Variants in GPC5 observed in about 807,000 individuals in gnomAD.
GPC5 encodes glypican-5.
Under a neutral mutation model 53.9 loss-of-function variants are expected in GPC5, and 47 were observed. The ratio of observed to expected loss-of-function variants is 0.87; its 90% CI spans 0.69 to 1.11. The LOEUF is 1.11. Ranked by LOEUF, GPC5 falls within the 50% of genes most tolerant of loss-of-function variation. GPC5 has a pLI of 0.00. For missense variants in GPC5, 748 were observed against 713.1 expected (o/e 1.05, Z -0.56); for synonymous variants, 286 against 263.3 (o/e 1.09, Z -0.84).
At chr13:92,179,954 G>A (rs2042134819) in intron 7 of GPC5, among the ~76,000 whole-genome samples, 4 of 152,140 alleles carry the variant, frequency 2.6e-5, no homozygotes, top group Admixed American at 2.6e-4. Flanking sequence ...GATTTACTAC[G>A]GTTTTTACTG....
At chr13:91,708,713 A>G (rs1391112620) in intron 3 of GPC5, among the ~76,000 whole-genome samples, 1 of 152,230 alleles carries the variant, frequency 6.6e-6, no homozygotes, top group Non-Finnish European at 1.5e-5. Context: ...GTTATAAAAA[A>G]ATTACAATGT....
intron 2 of GPC5, among the ~76,000 whole-genome samples, chr13:91,660,761 C>T (rs190828834): frequency 2.6e-5 from 4 of 152,306 alleles, no homozygotes; most frequent in Non-Finnish European, 5.9e-5. Flanking sequence ...GGGACCATTT[C>T]TATCTCAGAA....
intron 7 of GPC5, among the ~76,000 whole-genome samples, chr13:92,518,043 T>G (rs1017011746): frequency 2.0e-5 from 3 of 152,204 alleles, no homozygotes; most frequent in African/African-American, 7.2e-5. Flanking sequence ...CAAGCTTCAG[T>G]AGTTGATTTG....
intron 7 of GPC5, among the ~76,000 whole-genome samples, chr13:92,728,235 C>G (rs747900550): frequency 1.3e-5 from 2 of 151,436 alleles, no homozygotes; most frequent in Non-Finnish European, 3.0e-5. Context: ...CTACATGCCT[C>G]TAGGAAAGAT....
chr13:91,484,259 T>A (rs866555142), intron 2 of GPC5, among the ~76,000 whole-genome samples: 17 of 152,318 alleles, frequency 1.1e-4, no homozygotes, highest in African/African-American at 3.6e-4. Flanking sequence ...CAAAGCACCC[T>A]GAAAGGGTTC....
chr13:92,861,577 A>G (rs1566449515), intron 7 of GPC5, among the ~76,000 whole-genome samples: 1 of 152,126 alleles, frequency 6.6e-6, no homozygotes, highest in Non-Finnish European at 1.5e-5. Context: ...TAGTTTTCAC[A>G]TGGATTGTAA....
At chr13:92,166,995 C>T (rs796468632) in intron 7 of GPC5, among the ~76,000 whole-genome samples, 1,880 of 143,412 alleles carry the variant, frequency 0.013, 31 homozygotes, top group African/African-American at 0.05. Flanking sequence ...CACACACACA[C>T]ATATACACAC....
chr13:92,666,280 A>C (rs1886561776), intron 7 of GPC5, among the ~76,000 whole-genome samples: 2 of 152,116 alleles, frequency 1.3e-5, no homozygotes, highest in Non-Finnish European at 2.9e-5. Flanking sequence ...TCAAATTGTC[A>C]GTGATTTTTA....
chr13:92,741,956 T>C (rs1164951991), intron 7 of GPC5, among the ~76,000 whole-genome samples: 1 of 152,180 alleles, frequency 6.6e-6, no homozygotes, highest in Non-Finnish European at 1.5e-5. Context: ...GGTGTATATG[T>C]GCCACATTTT....
At chr13:91,783,404 T>C (rs2037828661) in intron 5 of GPC5, among the ~76,000 whole-genome samples, 1 of 152,212 alleles carries the variant, frequency 6.6e-6, no homozygotes, top group South Asian at 2.1e-4. Context: ...AAGACAGTTT[T>C]ACCTAAATTT....
At chr13:92,820,558 G>A (rs566733603) in intron 7 of GPC5, among the ~76,000 whole-genome samples, 1 of 152,084 alleles carries the variant, frequency 6.6e-6, no homozygotes, top group Admixed American at 6.6e-5. Flanking sequence ...CTGTATTTTT[G>A]ACAAAACTCA....
chr13:91,410,945 C>CAAAATACAAAAATACAAATTA (rs1291753407), intron 1 of GPC5, among the ~76,000 whole-genome samples: 4 of 151,906 alleles, frequency 2.6e-5, no homozygotes, highest in African/African-American at 9.7e-5. Flanking sequence ...CCCGTCTCTA[C>CAAAATACAAAAATACAAATTA]CAAAAATACA....
chr13:91,470,075 C>A (rs1882515870), intron 2 of GPC5, among the ~76,000 whole-genome samples: 2 of 152,126 alleles, frequency 1.3e-5, no homozygotes, highest in Admixed American at 6.6e-5. Context: ...TCCCCACTCC[C>A]ACCACAGGTT....
At chr13:92,685,087 C>CTACTTATT (rs1887221031) in intron 7 of GPC5, among the ~76,000 whole-genome samples, 1 of 150,520 alleles carries the variant, frequency 6.6e-6, no homozygotes, top group East Asian at 2.0e-4. Flanking sequence ...TCCAGTAGTT[C>CTACTTATT]TATTTATTTA....
Position 91,986,818 on chromosome 13 carries a change from T to A in GPC5, c.1401+78761T>A, listed in dbSNP as rs565904804. Among the ~76,000 whole-genome samples the A allele has an allele frequency of 3.3e-5, 5 of 151,966 alleles. No homozygotes were observed. In the South Asian group the frequency reaches 6.2e-4, roughly 19 times the overall value. On this transcript the variant is annotated intron_variant, in intron 6 of 7. Coordinates refer to ENST00000377067, the MANE Select transcript of GPC5 (RefSeq NM_004466.6). ...AATTGAAACATGGACATAGCCTTCATGGTATATGTTAGTAAAAACATTTAT... is the reference window on the plus strand; with the variant it reads ...AATTGAAACATGGACATAGCCTTCAAGGTATATGTTAGTAAAAACATTTAT...
At chr13:91,444,624 T>G (rs896201842) in intron 1 of GPC5, among the ~76,000 whole-genome samples, 1 of 152,208 alleles carries the variant, frequency 6.6e-6, no homozygotes, top group African/African-American at 2.4e-5. Context: ...TTTATTTTCC[T>G]TTGCACTTTG....
intron 1 of GPC5, among the ~76,000 whole-genome samples, chr13:91,406,592 G>A (rs570655741): frequency 5.3e-5 from 8 of 152,194 alleles, no homozygotes; most frequent in East Asian, 3.9e-4. Context: ...GTAAACTCTG[G>A]GACACTAAAA....
intron 5 of GPC5, among the ~76,000 whole-genome samples, chr13:91,895,327 C>G (rs1257464267): frequency 6.6e-6 from 1 of 152,032 alleles, no homozygotes; most frequent in East Asian, 1.9e-4. Flanking sequence ...ACATGTGCCA[C>G]AGTGAACTGT....
At chr13:91,574,804 T>C (rs567170251) in intron 2 of GPC5, among the ~76,000 whole-genome samples, 1 of 152,268 alleles carries the variant, frequency 6.6e-6, no homozygotes, top group South Asian at 2.1e-4. Flanking sequence ...TTGCCTTATA[T>C]CACATTAAGT....
Sources: allele counts gnomAD v4.1 joint callset (sites outside exome capture counted in the v4.1 genomes callset), GRCh38; gene constraint gnomAD v4.1.1; transcripts MANE v1.5; gene names NCBI Gene and HGNC (gene_info 2026-07-23, HGNC 2026-07-21).